Variants in KRT18 observed in about 807,000 individuals in gnomAD.
KRT18 encodes the protein keratin 18, also known as keratin, type I cytoskeletal 18.
KRT18 carries 8 observed loss-of-function variants against 39.9 expected under a neutral mutation model. The ratio of observed to expected loss-of-function variants is 0.20; its 90% CI spans 0.12 to 0.36. The LOEUF is 0.36. KRT18 is among the 10% of genes least tolerant of loss of function. The pLI, the probability that KRT18 is intolerant of heterozygous loss-of-function variation, is 1.00. For missense variants in KRT18, 396 were observed against 565.7 expected, an observed-to-expected ratio of 0.70 and a Z score of 3.04; for synonymous variants, 194 against 227.8, an observed-to-expected ratio of 0.85 and a Z score of 1.33.
rs201665046 is a variant in KRT18 at position 52,949,605 on chromosome 12, G to A, written c.417+15G>A. 31 of 1,608,174 alleles carry A rather than the reference G, an allele frequency of 1.9e-5. No homozygotes were observed. The highest frequency in any genetic ancestry group is 3.3e-4 in the Middle Eastern group (2 of 6,054). ...TGAGGGCTCAGGTAAGGGGTAGGAG[G>A]GACCTCAACTCCCAGCCTTGTCTGA... On this transcript the variant is annotated intron_variant, in intron 1 of 6. Coordinates refer to ENST00000388835, the MANE Select transcript of KRT18 (RefSeq NM_000224.3).
At chr12:52,952,500 G>C in intron 6 of KRT18, 158 bp downstream of exon 6, 1 of 747,694 alleles carries the variant, frequency 1.3e-6, no homozygotes, top group Non-Finnish European at 2.3e-6. Flanking sequence ...GGGAGTAACA[G>C]TTACAGAGGT....
At chr12:52,952,575 G>T in intron 6 of KRT18, 147 bp from the exon 7 acceptor site, 2 of 932,886 alleles carry the variant, frequency 2.1e-6, no homozygotes, top group Admixed American at 1.8e-5. Flanking sequence ...AATGAAGTTT[G>T]GCCTTGAGTT....
Position 52,950,357 on chromosome 12 carries a change from C to T in KRT18, c.447C>T (p.Arg149=), listed in dbSNP as rs1404325194. The T allele has an allele frequency of 1.2e-6, 2 of 1,613,440 alleles. No homozygotes were observed. Among genetic ancestry groups the T allele is most frequent in the African/African-American group, 2.7e-5 (2 of 74,910 alleles). The change falls in exon 2 of 7, where the codon CGC becomes CGT. Residue 149 remains arginine (R), a synonymous_variant. Coordinates refer to ENST00000388835, the MANE Select transcript of KRT18 (RefSeq NM_000224.3). ...QIFANTVDNA[R]IVLQIDNARL... ...TCGCAAATACTGTGGACAATGCCCG[C>T]ATCGTTCTGCAGATTGACAATGCCC... is the stretch of plus-strand genomic sequence containing the variant.
intron 5 of KRT18, 70 bp from the exon 6 acceptor site, chr12:52,952,049 C>G: frequency 2.8e-6 from 4 of 1,413,430 alleles, no homozygotes; most frequent in Non-Finnish European, 3.9e-6. Flanking sequence ...AAAAAAGTTT[C>G]CAAAAGTGAA....
At chr12:52,950,723 C>A (rs772699661) in intron 2 of KRT18, 27 bp from the exon 3 acceptor site, 84 of 1,603,222 alleles carry the variant, frequency 5.2e-5, no homozygotes, top group Non-Finnish European at 7.1e-5. Flanking sequence ...GAGATAGGGG[C>A]CCCTCTGATC....
At chr12:52,949,027 C>A (rs1942405291), upstream of KRT18, 1 of 723,040 alleles carries the variant, frequency 1.4e-6, no homozygotes. Context: ...GGCTCCGAGC[C>A]GTCCACCTGT....
At position 52,950,773 on chromosome 12, in the gene KRT18, G is replaced by T. The variant is rs1217770008; in HGVS notation, c.524G>T (p.Arg175Leu). 1.4e-5 allele frequency: 23 copies of T among 1,610,832 alleles called. No individual in the cohort carries two copies. Among genetic ancestry groups the T allele is most frequent in the Non-Finnish European group, 2.0e-5 (23 of 1,179,402 alleles). ...AGGTATGAGACAGAGCTGGCCATGC[G>T]CCAGTCTGTGGAGAACGACATCCAT... ...RVKYETELAMRQSVENDIHGL... is the reference protein window; with the variant it reads ...RVKYETELAMLQSVENDIHGL... The change falls in exon 3 of 7, where the codon CGC becomes CTC. Residue 175 changes from arginine to leucine, a missense_variant. Transcript: ENST00000388835.
intron 2 of KRT18, 52 bp from the exon 3 acceptor site, chr12:52,950,698 G>T: frequency 6.3e-7 from 1 of 1,575,910 alleles, no homozygotes; most frequent in East Asian, 2.3e-5. Flanking sequence ...CATGAGTTGA[G>T]AAGGTTCTGG....
chr12:52,949,993 G>C (rs1456536711), intron 1 of KRT18: 4 of 610,948 alleles, frequency 6.5e-6, no homozygotes, highest in Non-Finnish European at 5.8e-6. Flanking sequence ...CCAGGGTGTA[G>C]GGGGCCCAGA....
rs756207721 is a variant in KRT18, at chr12:52,950,414, A to G, written c.500+4A>G. On this transcript the variant is annotated splice_donor_region_variant and intron_variant, in intron 2 of 6. Transcript: ENST00000388835. ...CTGCTGATGACTTTAGAGTCAAGTA[A>G]GTTTGGGGGCTAGAGAGCTGGGGGT... is the stretch of plus-strand genomic sequence containing the variant. 2.5e-6 allele frequency: 4 copies of G among 1,594,852 alleles called. No individual in the cohort carries two copies. The South Asian group carries it at 4.4e-5, about 18-fold the overall frequency.
In KRT18 at chr12:52,951,631, T is replaced by C. The variant is rs1942490300; in HGVS notation, c.808T>C (p.Tyr270His). Residue 270 changes from tyrosine (Y) to histidine (H), a missense_variant, in exon 4 of 7, where the codon TAC becomes CAC. Coordinates refer to ENST00000388835, the MANE Select transcript of KRT18 (RefSeq NM_000224.3). ...ARKNREELDK[Y>H]WSQQIEESTT... Reference sequence around the variant, plus strand: ...GAAGAACCGAGAGGAGCTAGACAAGTACTGGTCTCAGCAGGTGCGTGAGGG... The same window carrying C: ...GAAGAACCGAGAGGAGCTAGACAAGCACTGGTCTCAGCAGGTGCGTGAGGG... The C allele has an allele frequency of 6.2e-7, 1 of 1,613,448 alleles. No homozygotes were observed. The highest frequency in any genetic ancestry group is 1.3e-5 in the African/African-American group (1 of 74,802).
intron 1 of KRT18, 45 bp downstream of exon 1, chr12:52,949,635 C>G (rs1232510732): frequency 6.7e-7 from 1 of 1,500,540 alleles, no homozygotes; most frequent in Non-Finnish European, 9.3e-7. Context: ...GTCTGACCCT[C>G]CAATTATACA....
At chr12:52,950,022 G>GA (rs35195857) in intron 1 of KRT18, 1 of 605,632 alleles carries the variant, frequency 1.7e-6, no homozygotes. Context: ...GTGCACTAGG[G>GA]AAAAAATGCC....
At chr12:52,948,979 T>TGGGGCCCGGGGCGGA (rs1942403362), upstream of KRT18, 3 of 402,284 alleles carry the variant, frequency 7.5e-6, no homozygotes, top group African/African-American at 6.9e-5. Context: ...GGCGCGGGGG[T>TGGGGCCCGGGGCGGA]GGGGCCCGGG....
At chr12:52,950,973 C>A in intron 3 of KRT18, 67 bp downstream of exon 3, 1 of 1,442,134 alleles carries the variant, frequency 6.9e-7, no homozygotes, top group South Asian at 1.2e-5. Context: ...GGAGAATAGA[C>A]AAGACAAACC....
In KRT18 at chr12:52,950,330, C is replaced by T. The variant is rs1174858709; in HGVS notation, c.420C>T (p.Ile140=). The T allele has an allele frequency of 1.2e-6, 2 of 1,610,500 alleles. No individual in the cohort carries two copies. The highest frequency in any genetic ancestry group is 1.7e-6 in the Non-Finnish European group (2 of 1,177,126). ...ACCTCTCTCTACAATCCCTCCAGAT[C>T]TTCGCAAATACTGTGGACAATGCCC... is the stretch of plus-strand genomic sequence containing the variant. The part of the protein sequence containing the change: ...FKIIEDLRAQ[I]FANTVDNARI... The change falls in exon 2 of 7, where the codon ATC becomes ATT. Residue 140 remains isoleucine (I), a splice_region_variant and synonymous_variant. Coordinates refer to ENST00000388835, the MANE Select transcript of KRT18 (RefSeq NM_000224.3).
At chr12:52,952,052 A>G (rs902705692) in intron 5 of KRT18, 67 bp from the exon 6 acceptor site, 58 of 1,421,338 alleles carry the variant, frequency 4.1e-5, no homozygotes, top group Non-Finnish European at 4.9e-5. Flanking sequence ...AAAGTTTCCA[A>G]AAGTGAAGGG....
chr12:52,952,503 A>T (rs1942509297), intron 6 of KRT18, 161 bp downstream of exon 6: 2 of 748,894 alleles, frequency 2.7e-6, no homozygotes, highest in Non-Finnish European at 4.7e-6. Flanking sequence ...AGTAACAGTT[A>T]CAGAGGTCTC....
chr12:52,950,237 T>G, intron 1 of KRT18, 91 bp from the exon 2 acceptor site: 1 of 940,952 alleles, frequency 1.1e-6, no homozygotes, highest in Non-Finnish European at 1.8e-6. Context: ...CCAGGAAGTT[T>G]TCACTAGGAT....
Sources: gnomAD v4.1 joint callset for allele counts on GRCh38, gnomAD v4.1.1 for gene constraint, MANE v1.5 for transcripts, NCBI Gene and HGNC (gene_info 2026-07-23, HGNC 2026-07-21) for gene names.